PLEKHA7: variants seen among roughly 807,000 people sequenced by gnomAD.
PLEKHA7 encodes pleckstrin homology domain-containing family A member 7.
Under a neutral mutation model 170.0 loss-of-function variants are expected in PLEKHA7, and 104 were observed. The ratio of observed to expected loss-of-function variants is 0.61; its 90% CI spans 0.52 to 0.72. The LOEUF is 0.72. Ranked by LOEUF, PLEKHA7 falls within the 30% of genes least tolerant of loss-of-function variation. The pLI, the probability that PLEKHA7 is intolerant of heterozygous loss-of-function variation, is 0.00. For missense variants in PLEKHA7, 1,615 were observed against 1,671.7 expected (o/e 0.97, Z 0.59); for synonymous variants, 648 against 660.8 (o/e 0.98, Z 0.30).
At chr11:16,908,006 G>T (rs1240912016) in intron 3 of PLEKHA7, among the ~76,000 whole-genome samples, 2 of 151,006 alleles carry the variant, frequency 1.3e-5, no homozygotes, top group Admixed American at 6.6e-5. Context: ...TGTCCACTCA[G>T]GGTTAAATGG....
chr11:17,010,401 G>GAAAGAA (rs10664000), intron 3 of PLEKHA7, among the ~76,000 whole-genome samples: 142,020 of 149,408 alleles, frequency 0.95, 67,934 homozygotes, highest in East Asian at 1. Flanking sequence ...AAAAAAAAAA[G>GAAAGAA]AAAGAAAAAG....
chr11:16,813,664 A>G lies in PLEKHA7; in HGVS notation c.1954-498T>C, dbSNP rs118148499. Among the ~76,000 whole-genome samples the G allele has an allele frequency of 5.2e-3, 794 of 152,304 alleles. 4 individuals are homozygous for G. The highest frequency in any genetic ancestry group is 8.4e-3 in the Non-Finnish European group (574 of 68,026). On this transcript the variant is annotated intron_variant, in intron 12 of 26. Transcript: ENST00000531066. ...TGGCCTGGGTGACCCAGGAGGTCCCAATACGACCTTGGTTTCCAGAATGAT... is the reference window on the plus strand; with the variant it reads ...TGGCCTGGGTGACCCAGGAGGTCCCGATACGACCTTGGTTTCCAGAATGAT...
At chr11:16,780,915 AGAAG>A in intron 26 of PLEKHA7, 1 of 890,598 alleles carries the variant, frequency 1.1e-6, no homozygotes, top group African/African-American at 1.8e-5. Context: ...GGAAGCAGGC[AGAAG>A]CACACCAGAC....
chr11:16,978,882 A>C (rs1185604379), intron 3 of PLEKHA7, among the ~76,000 whole-genome samples: 1 of 152,150 alleles, frequency 6.6e-6, no homozygotes, highest in Non-Finnish European at 1.5e-5. Flanking sequence ...ACTCATACAA[A>C]TATGCCTCCC....
chr11:16,855,086 C>T, intron 5 of PLEKHA7, 93 bp from the exon 6 acceptor site: 1 of 1,026,390 alleles, frequency 9.7e-7, no homozygotes, highest in Non-Finnish European at 1.5e-6. Context: ...CTCTCTCTGC[C>T]TCACTCTAAA....
chr11:16,840,672 G>C (rs1290663440), intron 9 of PLEKHA7, among the ~76,000 whole-genome samples: 1 of 152,178 alleles, frequency 6.6e-6, no homozygotes, highest in Non-Finnish European at 1.5e-5. Flanking sequence ...TGCTCAGACT[G>C]AAGTGCTATG....
intron 9 of PLEKHA7, among the ~76,000 whole-genome samples, chr11:16,841,065 C>G (rs542352687): frequency 3.0e-4 from 46 of 152,304 alleles, no homozygotes; most frequent in Admixed American, 9.8e-4. Context: ...TCTCTGAGCC[C>G]TCGACTCCAC....
intron 25 of PLEKHA7, 105 bp from the exon 26 acceptor site, chr11:16,783,001 T>A: frequency 3.2e-6 from 4 of 1,257,180 alleles, no homozygotes; most frequent in Non-Finnish European, 4.3e-6. Flanking sequence ...TTGAGGGGGA[T>A]CAGACAAAAA....
At chr11:16,888,150 C>A (rs990665940) in intron 3 of PLEKHA7, among the ~76,000 whole-genome samples, 28 of 152,112 alleles carry the variant, frequency 1.8e-4, no homozygotes, top group African/African-American at 6.3e-4. Flanking sequence ...AGGAGCCCCT[C>A]CACCCGGCAG....
intron 13 of PLEKHA7, among the ~76,000 whole-genome samples, chr11:16,805,675 A>G (rs183305060): frequency 6.6e-6 from 1 of 151,780 alleles, no homozygotes; most frequent in African/African-American, 2.4e-5. Flanking sequence ...CTGTAGTCCC[A>G]GCTACTCGGG....
intron 4 of PLEKHA7, among the ~76,000 whole-genome samples, chr11:16,870,304 C>T (rs1379083592): frequency 1.3e-5 from 2 of 152,044 alleles, no homozygotes. Context: ...CCCACCCCCA[C>T]ACACACACTA....
intron 10 of PLEKHA7, among the ~76,000 whole-genome samples, chr11:16,822,501 GGAAAAA>G (rs1291269327): frequency 7.9e-6 from 1 of 126,346 alleles, no homozygotes; most frequent in African/African-American, 3.4e-5. Context: ...TTTTGGTAGG[GGAAAAA>G]AAAAAAAAAA....
Position 16,817,030 on chromosome 11 carries a change from G to A in PLEKHA7, c.1636C>T (p.Pro546Ser). The change falls in exon 11 of 27, where the codon CCA becomes TCA. Residue 546 changes from proline to serine, a missense_variant. Transcript: ENST00000531066. The surrounding 1 kb of genome is among the most constrained non-coding windows in gnomAD (Gnocchi z 4.4). Reference sequence around the variant, plus strand: ...CTCCGGCCCTGGTCGGTGAACTCTGGGGAGCCAAGGCAGATGGGCGCTGTG... The same window carrying A: ...CTCCGGCCCTGGTCGGTGAACTCTGAGGAGCCAAGGCAGATGGGCGCTGTG... Reference protein sequence around the residue: ...SPTAPICLGSPEFTDQGRSRS... With the variant: ...SPTAPICLGSSEFTDQGRSRS... 3 of 1,605,358 alleles carry A rather than the reference G, an allele frequency of 1.9e-6. No individual in the cohort carries two copies. Among genetic ancestry groups the A allele is most frequent in the Non-Finnish European group, 8.5e-7 (1 of 1,174,824 alleles).
chr11:16,873,473 T>TC (rs998321526), intron 3 of PLEKHA7, among the ~76,000 whole-genome samples: 23 of 152,096 alleles, frequency 1.5e-4, no homozygotes, highest in African/African-American at 5.6e-4. Context: ...GCCTCTGAAT[T>TC]CCCTGCTCCT....
chr11:16,800,139 G>C (rs1487509756), intron 17 of PLEKHA7, among the ~76,000 whole-genome samples: 3 of 152,222 alleles, frequency 2.0e-5, no homozygotes, highest in Non-Finnish European at 4.4e-5. Flanking sequence ...ATTAATGCTT[G>C]CTGAATTCAA....
chr11:16,851,496 C>T (rs1852953873), intron 7 of PLEKHA7, among the ~76,000 whole-genome samples: 1 of 152,110 alleles, frequency 6.6e-6, no homozygotes, highest in Admixed American at 6.6e-5. Flanking sequence ...GTTGCCCAAG[C>T]TGGAGTCAAG....
intron 3 of PLEKHA7, among the ~76,000 whole-genome samples, chr11:16,895,146 A>T (rs1389950464): frequency 6.6e-6 from 1 of 152,156 alleles, no homozygotes; most frequent in Non-Finnish European, 1.5e-5. Context: ...GGCAAGAAGA[A>T]AACTCCAGTA....
rs942447378 is a variant in PLEKHA7 at position 16,951,193 on chromosome 11, C to T, written c.221+62796G>A. Among the ~76,000 whole-genome samples, 68 of 152,192 alleles carry T rather than the reference C, an allele frequency of 4.5e-4. 1 individual carries two copies. Among genetic ancestry groups the T allele is most frequent in the South Asian group, 2.1e-4 (1 of 4,830 alleles). Reference sequence around the variant, plus strand: ...GCATTACGTATCTTACCCAGTGTTACACAGCTGGAAAGTGGAATACTGGTA... The same window carrying T: ...GCATTACGTATCTTACCCAGTGTTATACAGCTGGAAAGTGGAATACTGGTA... On this transcript the variant is annotated intron_variant, in intron 3 of 26. Coordinates refer to ENST00000531066, the MANE Select transcript of PLEKHA7 (RefSeq NM_001329630.2).
At chr11:16,992,585 G>A (rs1565188419) in intron 3 of PLEKHA7, among the ~76,000 whole-genome samples, 1 of 152,012 alleles carries the variant, frequency 6.6e-6, no homozygotes, top group African/African-American at 2.4e-5. Flanking sequence ...GTGAAACCTT[G>A]TCTCTACTAA....
Sources: gnomAD v4.1 joint callset for allele counts (sites outside exome capture counted in the v4.1 genomes callset) on GRCh38, gnomAD v4.1.1 for gene constraint, Gnocchi (gnomAD v3.1) non-coding constraint, MANE v1.5 for transcripts, NCBI Gene and HGNC (gene_info 2026-07-23, HGNC 2026-07-21) for gene names.